Variants in ZRANB3 observed in about 807,000 individuals in gnomAD.
ZRANB3 encodes DNA annealing helicase and endonuclease ZRANB3.
Under a neutral mutation model 133.8 loss-of-function variants are expected in ZRANB3, and 125 were observed. That is an observed-to-expected ratio of 0.93 (90% CI 0.81 to 1.08). The LOEUF is 1.08. ZRANB3 is among the 50% of genes least tolerant of loss of function. The pLI is 0.00. For missense variants in ZRANB3, 1,229 were observed against 1,275.5 expected (o/e 0.96, Z 0.56); for synonymous variants, 387 against 432.7 (o/e 0.89, Z 1.31).
chr2:135,233,367 C>G lies in ZRANB3; in HGVS notation c.1540-2440G>C, dbSNP rs141985834. 4.8e-3 allele frequency among the ~76,000 whole-genome samples: 727 copies of G among 152,342 alleles called. 2 individuals are homozygous for G. The highest frequency in any genetic ancestry group is 7.7e-3 in the Non-Finnish European group (523 of 68,038). ...GAATGGAACCAAGTTGGAAAACACTCTGCAGGATATTATCCGGGAGAACTT... is the reference window on the plus strand; with the variant it reads ...GAATGGAACCAAGTTGGAAAACACTGTGCAGGATATTATCCGGGAGAACTT... On this transcript the variant is annotated intron_variant, in intron 12 of 20. Coordinates refer to ENST00000264159, the MANE Select transcript of ZRANB3 (RefSeq NM_032143.4).
intron 6 of ZRANB3, among the ~76,000 whole-genome samples, chr2:135,343,010 C>CAAAAAAAAAAA (rs11435525): frequency 7.2e-5 from 4 of 55,226 alleles, no homozygotes; most frequent in East Asian, 5.2e-4. Flanking sequence ...ACTAAAAATC[C>CAAAAAAAAAAA]AAAAAAAAAA....
rs57200280 is a variant in ZRANB3, at chr2:135,288,873, CGTGTGTGTGT to C, written c.967-13128_967-13119del. ...AAGAACTTGTTTCTGCTTCATTTAT[CGTGTGTGTGT>C]GTGTGTGTGTGTGTGTGTGTGTGTG... On this transcript the variant is annotated intron_variant, in intron 8 of 20. Transcript: ENST00000264159. 3.1e-4 allele frequency among the ~76,000 whole-genome samples: 44 copies of C among 141,396 alleles called. No homozygotes were observed. In the East Asian group the frequency reaches 5.3e-3, roughly 17 times the overall value. 92.8% of individuals were successfully genotyped at this position (141,396 alleles called of 152,430 possible).
intron 3 of ZRANB3, among the ~76,000 whole-genome samples, chr2:135,379,674 A>C (rs981518853): frequency 1.3e-5 from 2 of 152,172 alleles, no homozygotes; most frequent in Non-Finnish European, 2.9e-5. Context: ...TAAACATGGA[A>C]AGAATCAACC....
chr2:135,478,247 A>G (rs1691588040), intron 2 of ZRANB3, among the ~76,000 whole-genome samples: 1 of 152,182 alleles, frequency 6.6e-6, no homozygotes, highest in African/African-American at 2.4e-5. Flanking sequence ...TAGTTTTGGT[A>G]AACTTGTTAC....
chr2:135,334,960 A>T (rs1200131296), intron 6 of ZRANB3, among the ~76,000 whole-genome samples: 1 of 152,144 alleles, frequency 6.6e-6, no homozygotes, highest in Non-Finnish European at 1.5e-5. Context: ...TCCAGGATAC[A>T]TATGCAGGAT....
chr2:135,441,665 AGAGT>A (rs1284216933), intron 2 of ZRANB3, among the ~76,000 whole-genome samples: 5 of 152,118 alleles, frequency 3.3e-5, no homozygotes, highest in African/African-American at 1.2e-4. Flanking sequence ...GGAAAGAAAT[AGAGT>A]GATACTGGAA....
intron 2 of ZRANB3, among the ~76,000 whole-genome samples, chr2:135,489,096 T>C (rs1160114396): frequency 6.6e-6 from 1 of 151,680 alleles, no homozygotes; most frequent in East Asian, 1.9e-4. Context: ...CAGGAAAAAA[T>C]GTTTCTCATT....
intron 2 of ZRANB3, among the ~76,000 whole-genome samples, chr2:135,441,113 C>G (rs1403418464): frequency 6.6e-6 from 1 of 152,120 alleles, no homozygotes; most frequent in Non-Finnish European, 1.5e-5. Context: ...CATTTACTCT[C>G]AGACCCAAGA....
At chr2:135,306,825 A>G (rs1281563469) in intron 8 of ZRANB3, among the ~76,000 whole-genome samples, 1 of 151,740 alleles carries the variant, frequency 6.6e-6, no homozygotes, top group Non-Finnish European at 1.5e-5. Context: ...CCTGACCTCA[A>G]GTGATCCTCC....
intron 8 of ZRANB3, among the ~76,000 whole-genome samples, chr2:135,301,504 AGGT>A (rs1001079039): frequency 3.3e-5 from 5 of 151,934 alleles, no homozygotes; most frequent in Admixed American, 1.3e-4. Flanking sequence ...TTTTTTGTAG[AGGT>A]GTGGTCTCAC....
intron 12 of ZRANB3, among the ~76,000 whole-genome samples, chr2:135,261,260 G>T (rs969799407): frequency 6.6e-6 from 1 of 152,028 alleles, no homozygotes; most frequent in Admixed American, 6.6e-5. Context: ...TGAAATTCTG[G>T]CAATGTTCAG....
intron 2 of ZRANB3, among the ~76,000 whole-genome samples, chr2:135,396,991 G>A (rs1401033236): frequency 3.9e-5 from 6 of 152,028 alleles, no homozygotes; most frequent in African/African-American, 9.7e-5. Context: ...AGCCAGGTGT[G>A]TTATCCACGC....
rs201176819 is a variant in ZRANB3, at chr2:135,369,578, T to G, written c.181-15950A>C. Among the ~76,000 whole-genome samples the G allele has an allele frequency of 4.9e-5, 4 of 80,872 alleles. No individual in the cohort carries two copies. The African/African-American group carries it at 5.9e-4, about 12-fold the overall frequency. The allele number at this position is 80,872 out of a possible 152,430, so 53.1% of individuals were successfully genotyped here. ...AATCAAGAAAAGTCAATCTTACACTTGTTTTTTTAAAGCAATGCAAGTTTT... is the reference window on the plus strand; with the variant it reads ...AATCAAGAAAAGTCAATCTTACACTGGTTTTTTTAAAGCAATGCAAGTTTT... On this transcript the variant is annotated intron_variant, in intron 3 of 20. Transcript: ENST00000264159.
At position 135,445,008 on chromosome 2, in the gene ZRANB3, C is replaced by A. The variant is rs549322701; in HGVS notation, c.162-54188G>T. Among the ~76,000 whole-genome samples, 123 of 152,108 alleles carry A rather than the reference C, an allele frequency of 8.1e-4. 1 individual carries two copies. The highest frequency in any genetic ancestry group is 2.7e-3 in the African/African-American group (110 of 41,498). Reference sequence around the variant, plus strand: ...TGTTATGGTTAGCATGAAAACCCAACAACAATAGGACCTGAAAAATGGAAG... The same window carrying A: ...TGTTATGGTTAGCATGAAAACCCAAAAACAATAGGACCTGAAAAATGGAAG... On this transcript the variant is annotated intron_variant, in intron 2 of 20. Transcript: ENST00000264159.
chr2:135,360,274 G>A (rs562766990), intron 3 of ZRANB3, among the ~76,000 whole-genome samples: 72 of 152,188 alleles, frequency 4.7e-4, no homozygotes, highest in African/African-American at 1.2e-3. Flanking sequence ...CCAGCTACTC[G>A]GGAGGCTGAG....
At chr2:135,515,567 G>A (rs1432632170) in intron 1 of ZRANB3, among the ~76,000 whole-genome samples, 1 of 152,162 alleles carries the variant, frequency 6.6e-6, no homozygotes, top group Non-Finnish European at 1.5e-5. Context: ...GGAGCAGGTT[G>A]TTCAGTTTCC....
At chr2:135,356,774 C>T (rs1365835433) in intron 3 of ZRANB3, among the ~76,000 whole-genome samples, 3 of 152,098 alleles carry the variant, frequency 2.0e-5, no homozygotes, top group African/African-American at 7.2e-5. Flanking sequence ...GTGGCGTAAT[C>T]GTGGCTCACT....
chr2:135,471,593 T>C (rs1411847026), intron 2 of ZRANB3, among the ~76,000 whole-genome samples: 1 of 152,224 alleles, frequency 6.6e-6, no homozygotes, highest in Non-Finnish European at 1.5e-5. Flanking sequence ...ATATTAGTCA[T>C]TTTGTATGTA....
At chr2:135,213,697 T>G (rs1396812763) in intron 17 of ZRANB3, among the ~76,000 whole-genome samples, 1 of 152,204 alleles carries the variant, frequency 6.6e-6, no homozygotes, top group East Asian at 1.9e-4. Context: ...TAGAATAGTC[T>G]TTTAACTTGT....
Sources: allele counts gnomAD v4.1 joint callset (sites outside exome capture counted in the v4.1 genomes callset), GRCh38; gene constraint gnomAD v4.1.1; transcripts MANE v1.5; gene names NCBI Gene and HGNC (gene_info 2026-07-23, HGNC 2026-07-21).